The following ERBB2 variants were observed in gnomAD, a reference collection of about 807,000 sequenced individuals.
The protein encoded by ERBB2 is receptor tyrosine-protein kinase erbB-2.
A neutral mutation model predicts 149.0 loss-of-function variants in ERBB2; 61 were observed. That is an observed-to-expected ratio of 0.41 (90% CI 0.33 to 0.51). The LOEUF is 0.51. Among genes scored for constraint, ERBB2 ranks in the 20% least tolerant of loss-of-function variants. ERBB2 has a pLI of 0.25. For missense variants in ERBB2, 1,205 were observed against 1,655.1 expected (o/e 0.73, Z 4.72); for synonymous variants, 633 against 678.8 (o/e 0.93, Z 1.05).
chr17:39,722,932 C>T (rs1260821452), intron 16 of ERBB2, among the ~76,000 whole-genome samples: 1 of 152,044 alleles, frequency 6.6e-6, no homozygotes, highest in Admixed American at 6.6e-5. Flanking sequence ...ACTATGTTGG[C>T]CAGGCTGGTC....
At chr17:39,712,510 T>C in intron 9 of ERBB2, 62 bp downstream of exon 9, 1 of 1,582,726 alleles carries the variant, frequency 6.3e-7, no homozygotes, top group East Asian at 2.3e-5. Context: ...AGGATCCAGA[T>C]GTGGCAGCAT....
intron 15 of ERBB2, among the ~76,000 whole-genome samples, chr17:39,717,818 C>CACACAT (rs1332724408): frequency 2.6e-5 from 4 of 151,230 alleles, no homozygotes; most frequent in African/African-American, 9.7e-5. Flanking sequence ...CACACACACA[C>CACACAT]ACATATGTAT....
rs4252635 is a variant in ERBB2 at position 39,716,554 on chromosome 17, G to C, written c.1686G>C (p.Pro562=). 8 of 1,614,048 alleles carry C rather than the reference G, an allele frequency of 5.0e-6. No homozygotes were observed. The East Asian group carries it at 1.6e-4, about 31-fold the overall frequency. Residue 562 remains proline (P), a synonymous_variant, in exon 14 of 27, where the codon CCG becomes CCC. Coordinates refer to ENST00000269571, the MANE Select transcript of ERBB2 (RefSeq NM_004448.4). ...ATGTGAATGCCAGGCACTGTTTGCC[G>C]TGCCACCCTGAGTGTCAGCCCCAGA... The part of the protein sequence containing the change: ...REYVNARHCL[P]CHPECQPQNG...
rs768526064 is a variant in ERBB2, at chr17:39,727,403, C to G, written c.3268C>G (p.Leu1090Val). The part of the protein sequence containing the change: ...GAGSDVFDGD[L>V]GMGAAKGLQS... ...TGGCTCCGATGTATTTGATGGTGAC[C>G]TGGGAATGGGGGCAGCCAAGGGGCT... The change falls in exon 26 of 27, where the codon CTG (leucine) becomes GTG (valine). Residue 1090 changes from leucine to valine, a missense_variant. This residue lies in a region of ERBB2 where 312 missense variants were observed against 343.8 expected (regional missense o/e 0.91). Transcript: ENST00000269571. This position sits in a 1 kb window ranked among gnomAD's most constrained non-coding sequence, Gnocchi z 4.3. 9 of 1,610,730 alleles carry G rather than the reference C, an allele frequency of 5.6e-6. No homozygotes were observed. The African/African-American group carries it at 8.0e-5, about 14-fold the overall frequency.
At chr17:39,714,743 G>A (rs550770873) in intron 9 of ERBB2, among the ~76,000 whole-genome samples, 2 of 151,296 alleles carry the variant, frequency 1.3e-5, no homozygotes, top group South Asian at 4.2e-4. Flanking sequence ...GTCTCCCTAG[G>A]CCACATTCCT....
In ERBB2 at chr17:39,700,129, G is replaced by A. The variant is rs1015076371; in HGVS notation, c.-110G>A. On this transcript the variant is annotated 5_prime_UTR_variant, in exon 1 of 27. Transcript: ENST00000269571. ...GCAGCCGCGCGCCCCTTCCCACGGG[G>A]CCCTTTACTGCGCCGCGCGCCCGGC... 3.8e-6 allele frequency: 5 copies of A among 1,305,192 alleles called. No individual in the cohort carries two copies. Among genetic ancestry groups the A allele is most frequent in the East Asian group, 3.1e-5 (1 of 32,114 alleles). The allele number at this position is 1,305,192 out of a possible 1,614,324, so 80.9% of individuals were successfully genotyped here.
At position 39,715,869 on chromosome 17, in the gene ERBB2, C is replaced by G. The variant is rs55984118; in HGVS notation, c.1443C>G (p.Pro481=). 1.2e-6 allele frequency: 2 copies of G among 1,612,684 alleles called. No homozygotes were observed. Among genetic ancestry groups the G allele is most frequent in the Non-Finnish European group, 1.7e-6 (2 of 1,180,028 alleles). The change falls in exon 12 of 27, where the codon CCC becomes CCG. Residue 481 remains proline, a synonymous_variant. Transcript: ENST00000269571. ...NTHLCFVHTV[P]WDQLFRNPHQ... ...ACCTCTGCTTCGTGCACACGGTGCC[C>G]TGGGACCAGCTCTTTCGGAACCCGC...
At chr17:39,691,934 C>CATATATATAT (rs57592884), upstream of ERBB2, among the ~76,000 whole-genome samples, 981 of 120,804 alleles carry the variant, frequency 8.1e-3, 20 homozygotes, top group African/African-American at 0.023. Context: ...TATACATATA[C>CATATATATAT]ATATATATAT....
chr17:39,694,273 GTA>G (rs1210055293), upstream of ERBB2, among the ~76,000 whole-genome samples: 362 of 25,488 alleles, frequency 0.014, 19 homozygotes, highest in Middle Eastern at 0.042. Flanking sequence ...ATATATGTGT[GTA>G]TATATATATA....
intron 1 of ERBB2, among the ~76,000 whole-genome samples, chr17:39,701,515 G>A (rs943078959): frequency 2.0e-5 from 3 of 152,180 alleles, no homozygotes; most frequent in Non-Finnish European, 4.4e-5. Flanking sequence ...TCTGGGAGTC[G>A]TGGGTGGTCT....
At position 39,723,763 on chromosome 17, in the gene ERBB2, GT is replaced by G. The variant is rs1245076444; in HGVS notation, c.2208+106del. On this transcript the variant is annotated intron_variant, in intron 18 of 26. Transcript: ENST00000269571. The surrounding 1 kb of genome is among the most constrained non-coding windows in gnomAD (Gnocchi z 6.2). ...GGGAGGGGCAAGAGCTGGAGGCAGT[GT>G]TTGGGGGAGGGCAGTTACAGCGGAG... The G allele has an allele frequency of 2.6e-6, 4 of 1,524,798 alleles. No individual in the cohort carries two copies. 94.5% of individuals were successfully genotyped at this position (1,524,798 alleles called of 1,614,324 possible). A position where few individuals can be genotyped will look rare whatever the true frequency, so the allele number is the denominator to read the frequency against.
chr17:39,706,768 A>G, intron 1 of ERBB2: 1 of 396,530 alleles, frequency 2.5e-6, no homozygotes, highest in Non-Finnish European at 4.4e-6. Context: ...GGGTGGGCCT[A>G]GTCAGAAGAA....
chr17:39,704,678 T>TG (rs1567895376), intron 1 of ERBB2, among the ~76,000 whole-genome samples: 1 of 152,020 alleles, frequency 6.6e-6, no homozygotes, highest in Non-Finnish European at 1.5e-5. Flanking sequence ...TGTAGGCTGG[T>TG]GGGGGTGTTA....
In ERBB2 at chr17:39,710,141, T is replaced by G. The variant is rs1355652939; in HGVS notation, c.699T>G (p.Thr233=). 6.2e-7 allele frequency: 1 copy of G among 1,612,222 alleles called. No individual in the cohort carries two copies. The highest frequency in any genetic ancestry group is 2.2e-5 in the East Asian group (1 of 44,872). The change falls in exon 6 of 27, where the codon ACT becomes ACG. Residue 233 remains threonine (T), a synonymous_variant. Coordinates refer to ENST00000269571, the MANE Select transcript of ERBB2 (RefSeq NM_004448.4). ...CCCGCTGCAAGGGGCCACTGCCCAC[T>G]GACTGCTGCCATGAGCAGTGTGCTG... The part of the protein sequence containing the change: ...GCARCKGPLP[T]DCCHEQCAAG...
chr17:39,691,556 A>AAAAAT (rs573116217), upstream of ERBB2, among the ~76,000 whole-genome samples: 1 of 84,202 alleles, frequency 1.2e-5, no homozygotes, highest in African/African-American at 5.0e-5. Context: ...TAAAAAAAAA[A>AAAAAT]ATATATATAT....
upstream of ERBB2, among the ~76,000 whole-genome samples, chr17:39,697,769 C>T (rs564502133): frequency 1.3e-5 from 2 of 152,242 alleles, no homozygotes; most frequent in South Asian, 4.1e-4. Flanking sequence ...TCTCAGCTCA[C>T]TGCAACCTCT....
intron 1 of ERBB2, among the ~76,000 whole-genome samples, chr17:39,705,319 C>T (rs967296500): frequency 2.6e-5 from 4 of 152,186 alleles, no homozygotes; most frequent in African/African-American, 4.8e-5. Context: ...TGGGCCAGGG[C>T]CTGGGGTCTG....
At chr17:39,699,438 G>T, upstream of ERBB2, 1 of 972,834 alleles carries the variant, frequency 1.0e-6, no homozygotes, top group Non-Finnish European at 1.5e-6. Flanking sequence ...TCCAGCCTGG[G>T]CAACAAGAGC....
chr17:39,690,168 C>G (rs927189736), upstream of ERBB2, among the ~76,000 whole-genome samples: 2 of 152,296 alleles, frequency 1.3e-5, no homozygotes, highest in African/African-American at 2.4e-5. Flanking sequence ...TCACTGCAAC[C>G]TCAACCTCCC....
Sources: allele counts gnomAD v4.1 joint callset (sites outside exome capture counted in the v4.1 genomes callset), GRCh38; gene constraint gnomAD v4.1.1; regional missense constraint gnomAD v4.1.1; non-coding constraint Gnocchi (gnomAD v3.1); transcripts MANE v1.5; gene names NCBI Gene and HGNC (gene_info 2026-07-23, HGNC 2026-07-21).